BLTP1: variants seen among roughly 807,000 people sequenced by gnomAD.
BLTP1 encodes the protein bridge-like lipid transfer protein family member 1, also known as fragile site-associated protein.
At chr4:122,175,387 T>A in the BLTP1 span, 1 of 513,620 alleles carries the variant, frequency 1.9e-6, no homozygotes, top group Non-Finnish European at 2.5e-6. Context: ...GGAACATCCT[T>A]AAAAGTTTCT....
chr4:122,299,159 A>G, the BLTP1 span: 2 of 984,224 alleles, frequency 2.0e-6, no homozygotes, highest in Non-Finnish European at 1.2e-6. Context: ...AACATCATGT[A>G]GGAAGGAAGG....
At chr4:122,190,106 T>G in the BLTP1 span, 1 of 1,611,990 alleles carries the variant, frequency 6.2e-7, no homozygotes, top group Non-Finnish European at 8.5e-7. Flanking sequence ...TGTTGCTGTT[T>G]TTTTTAAAGT....
the BLTP1 span, chr4:122,344,999 A>C: frequency 2.0e-6 from 2 of 985,090 alleles, no homozygotes. Flanking sequence ...TGGGCAAGTC[A>C]TTTCCTTTAC....
chr4:122,157,193 T>A, the BLTP1 span, among the ~76,000 whole-genome samples: 1 of 152,350 alleles, frequency 6.6e-6, no homozygotes, highest in Non-Finnish European at 1.5e-5. Context: ...TAACAAATTA[T>A]CCCAGAACTT....
chr4:122,317,649 T>A, the BLTP1 span, among the ~76,000 whole-genome samples: 54 of 152,000 alleles, frequency 3.6e-4, no homozygotes, highest in Admixed American at 5.2e-4. Context: ...TTTTTTTTTT[T>A]AAACAATCAA....
chr4:122,330,904 C>A, the BLTP1 span: 1 of 737,810 alleles, frequency 1.4e-6, no homozygotes, highest in Non-Finnish European at 1.7e-6. Flanking sequence ...GGTTCAATTT[C>A]ATTTTTTTTG....
chr4:122,292,357 A>G, the BLTP1 span: 1 of 875,774 alleles, frequency 1.1e-6, no homozygotes, highest in South Asian at 5.3e-5. Flanking sequence ...AGTATAAGAA[A>G]AATTAGACAG....
chr4:122,342,243 C>T, the BLTP1 span, among the ~76,000 whole-genome samples: 1 of 152,068 alleles, frequency 6.6e-6, no homozygotes, highest in Non-Finnish European at 1.5e-5. Flanking sequence ...CTTTATATGC[C>T]TGAGATATAG....
At chr4:122,255,601 G>A in the BLTP1 span, among the ~76,000 whole-genome samples, 1 of 152,060 alleles carries the variant, frequency 6.6e-6, no homozygotes, top group African/African-American at 2.4e-5. Context: ...AACCAAGATC[G>A]CACCATTTCA....
the BLTP1 span, chr4:122,282,122 C>A: frequency 2.5e-5 from 24 of 974,102 alleles, no homozygotes; most frequent in East Asian, 2.5e-3. Flanking sequence ...TCATTTAGCT[C>A]AAATCAGGGG....
chr4:122,301,594 A>G, the BLTP1 span, among the ~76,000 whole-genome samples: 1 of 152,158 alleles, frequency 6.6e-6, no homozygotes, highest in African/African-American at 2.4e-5. Flanking sequence ...GTATTTTTAT[A>G]TATGCATATA....
chr4:122,154,957 A>G, the BLTP1 span: 2 of 935,838 alleles, frequency 2.1e-6, no homozygotes, highest in Non-Finnish European at 2.5e-6. Context: ...GAACTCAAGT[A>G]TATTTTTTAT....
the BLTP1 span, chr4:122,244,468 C>A: frequency 5.5e-6 from 1 of 181,036 alleles, no homozygotes; most frequent in Non-Finnish European, 1.1e-5. Context: ...GGATTTGGAA[C>A]CCACAGATAT....
At chr4:122,310,123 A>G in the BLTP1 span, among the ~76,000 whole-genome samples, 1 of 152,120 alleles carries the variant, frequency 6.6e-6, no homozygotes, top group Non-Finnish European at 1.5e-5. Context: ...TCAATCTTGT[A>G]AACTAAATTA....
chr4:122,246,303 C>A, the BLTP1 span: 2 of 1,558,422 alleles, frequency 1.3e-6, no homozygotes, highest in Non-Finnish European at 1.7e-6. Context: ...CCAAAGGTAA[C>A]AATTTAATAT....
At chr4:122,336,604 A>G in the BLTP1 span, 1 of 969,956 alleles carries the variant, frequency 1.0e-6, no homozygotes, top group African/African-American at 1.8e-5. Flanking sequence ...TAAGTTCTAC[A>G]TCCTTAGTGT....
chr4:122,238,444 C>G, the BLTP1 span: 1 of 956,898 alleles, frequency 1.0e-6, no homozygotes, highest in Non-Finnish European at 1.6e-6. Flanking sequence ...CTCCACTCCC[C>G]CACTTTAGAA....
the BLTP1 span, chr4:122,169,894 G>A: frequency 0.069 from 68,364 of 984,542 alleles, 2,501 homozygotes; most frequent in Middle Eastern, 0.076. Flanking sequence ...GGTGATGGAG[G>A]GTAAGAGGGA....
chr4:122,307,612 G>A, the BLTP1 span: 1 of 985,260 alleles, frequency 1.0e-6, no homozygotes, highest in Non-Finnish European at 1.2e-6. Context: ...CTCTACAGAT[G>A]AAGTTAAGCA....
Sources: gnomAD v4.1 joint callset for allele counts (sites outside exome capture counted in the v4.1 genomes callset) on GRCh38, gnomAD v4.1.1 for gene constraint, MANE v1.5 for transcripts, NCBI Gene and HGNC (gene_info 2026-07-23, HGNC 2026-07-21) for gene names.